SLC28A2: variants seen among roughly 807,000 people sequenced by gnomAD.
SLC28A2 encodes the protein solute carrier family 28 member 2.
In SLC28A2, 69 loss-of-function variants were observed where a neutral mutation model predicts 72.9. That is an observed-to-expected ratio of 0.95 (90% CI 0.78 to 1.16). SLC28A2 has a LOEUF of 1.16. SLC28A2 is among the 50% of genes most tolerant of loss of function. The probability of loss-of-function intolerance (pLI) is 0.00; values close to 1 mark genes in which losing one functional copy is unlikely to be tolerated. For missense variants in SLC28A2, 745 were observed against 791.1 expected (o/e 0.94, Z 0.70); for synonymous variants, 296 against 294.1 (o/e 1.01, Z -0.07).
At position 45,272,284 on chromosome 15, in the gene SLC28A2, A is replaced by G. The variant is rs1288722206; in HGVS notation, c.1649-11A>G. Reference sequence around the variant, plus strand: ...GGAAAAGCTGAAGTTATTTTATTTTATTGTCTGCAGCATCAATAGTACCTC... The same window carrying G: ...GGAAAAGCTGAAGTTATTTTATTTTGTTGTCTGCAGCATCAATAGTACCTC... On this transcript the variant is annotated splice_polypyrimidine_tract_variant and intron_variant, in intron 15 of 17. Transcript: ENST00000347644. The G allele has an allele frequency of 2.5e-6, 4 of 1,610,948 alleles. No homozygotes were observed. The African/African-American group carries it at 5.3e-5, about 22-fold the overall frequency.
chr15:45,263,315 T>G, intron 5 of SLC28A2, 71 bp downstream of exon 5: 1 of 1,481,204 alleles, frequency 6.8e-7, no homozygotes, highest in African/African-American at 1.4e-5. Flanking sequence ...CTTTTGATAG[T>G]TGCTGAGCAG....
chr15:45,268,815 C>T (rs375836327), intron 13 of SLC28A2, among the ~76,000 whole-genome samples: 3 of 152,166 alleles, frequency 2.0e-5, no homozygotes, highest in South Asian at 4.2e-4. Context: ...GGCATATATA[C>T]ACCATGGAAT....
At chr15:45,274,880 G>A (rs994779593) in intron 17 of SLC28A2, among the ~76,000 whole-genome samples, 2 of 151,916 alleles carry the variant, frequency 1.3e-5, no homozygotes, top group Non-Finnish European at 2.9e-5. Context: ...CCAGGCATGT[G>A]TCACCATGCC....
At chr15:45,272,269 A>G in intron 15 of SLC28A2, 26 bp from the exon 16 acceptor site, 2 of 1,599,392 alleles carry the variant, frequency 1.3e-6, no homozygotes, top group South Asian at 2.2e-5. Context: ...GGAAAAGCTG[A>G]AGTTATTTTA....
chr15:45,263,017 A>T, intron 4 of SLC28A2, 44 bp from the exon 5 acceptor site: 1 of 1,538,144 alleles, frequency 6.5e-7, no homozygotes, highest in South Asian at 1.2e-5. Context: ...TGCCCATTGG[A>T]AGCACTGCCT....
intron 3 of SLC28A2, among the ~76,000 whole-genome samples, chr15:45,261,290 G>T (rs1239020119): frequency 6.6e-6 from 1 of 152,150 alleles, no homozygotes; most frequent in African/African-American, 2.4e-5. Flanking sequence ...AAGCCAGAGT[G>T]TATATTCTGT....
At position 45,272,307 on chromosome 15, in the gene SLC28A2, C is replaced by T; in HGVS notation, c.1661C>T (p.Pro554Leu). Residue 554 changes from proline to leucine, a missense_variant, in exon 16 of 18, where the codon CCT (proline) becomes CTT (leucine). Coordinates refer to ENST00000347644, the MANE Select transcript of SLC28A2 (RefSeq NM_004212.4). ...TTATTGTCTGCAGCATCAATAGTAC[C>T]TCACCGGAAGAGTGACTTGTCCAAG... Reference protein sequence around the residue: ...ITLGGLTSIVPHRKSDLSKVV... With the variant: ...ITLGGLTSIVLHRKSDLSKVV... 1 of 1,613,646 alleles carries T rather than the reference C, an allele frequency of 6.2e-7. No individual in the cohort carries two copies. The highest frequency in any genetic ancestry group is 8.5e-7 in the Non-Finnish European group (1 of 1,179,942).
At chr15:45,262,733 AG>A (rs373841129) in intron 4 of SLC28A2, among the ~76,000 whole-genome samples, 2 of 152,184 alleles carry the variant, frequency 1.3e-5, no homozygotes, top group African/African-American at 4.8e-5. Context: ...ACTTTTGAAG[AG>A]TCTAATGGTG....
intron 4 of SLC28A2, among the ~76,000 whole-genome samples, chr15:45,262,355 A>G (rs555324277): frequency 6.6e-6 from 1 of 152,296 alleles, no homozygotes; most frequent in Non-Finnish European, 1.5e-5. Flanking sequence ...ATTTCAGAGA[A>G]TGGGGGCTTA....
chr15:45,267,598 G>T lies in SLC28A2; in HGVS notation c.1068+18G>T. The T allele has an allele frequency of 6.2e-7, 1 of 1,614,070 alleles. No homozygotes were observed. Among genetic ancestry groups the T allele is most frequent in the Non-Finnish European group, 8.5e-7 (1 of 1,179,994 alleles). ...CCTTTGGGGTAGGCATAGTCTGCTTGATCACTCCTGGGTGAACTCGAGTTG... is the reference window on the plus strand; with the variant it reads ...CCTTTGGGGTAGGCATAGTCTGCTTTATCACTCCTGGGTGAACTCGAGTTG... On this transcript the variant is annotated intron_variant, in intron 11 of 17. Transcript: ENST00000347644.
intron 3 of SLC28A2, chr15:45,254,051 T>G (rs1298159773): frequency 6.6e-6 from 1 of 152,396 alleles, no homozygotes; most frequent in Admixed American, 6.5e-5. Flanking sequence ...CAGTGCTATG[T>G]GAACAGGGGT....
At chr15:45,253,646 A>G (rs757878832) in intron 3 of SLC28A2, 126 bp downstream of exon 3, 4 of 581,766 alleles carry the variant, frequency 6.9e-6, no homozygotes, top group Non-Finnish European at 1.2e-5. Flanking sequence ...TGTATCTTAC[A>G]TAATTAATTA....
At chr15:45,271,265 A>G (rs904226241) in intron 15 of SLC28A2, among the ~76,000 whole-genome samples, 4 of 152,188 alleles carry the variant, frequency 2.6e-5, no homozygotes, top group Non-Finnish European at 4.4e-5. Context: ...TGGAAGATCC[A>G]AGTTAGAAAT....
intron 7 of SLC28A2, 116 bp downstream of exon 7, chr15:45,264,884 T>C: frequency 1.3e-6 from 1 of 766,520 alleles, no homozygotes; most frequent in East Asian, 2.5e-5. Flanking sequence ...GAAGATCTGG[T>C]TGGGAAAGGA....
intron 14 of SLC28A2, 113 bp downstream of exon 14, chr15:45,269,648 G>A: frequency 1.2e-6 from 1 of 855,434 alleles, no homozygotes; most frequent in Non-Finnish European, 1.9e-6. Flanking sequence ...CCTTTCTGGG[G>A]TCGCAGGCCT....
intron 3 of SLC28A2, among the ~76,000 whole-genome samples, chr15:45,258,293 G>T (rs1401523047): frequency 6.6e-6 from 1 of 151,116 alleles, no homozygotes; most frequent in Non-Finnish European, 1.5e-5. Flanking sequence ...TATGTTTTTG[G>T]GACTGCATGC....
intron 3 of SLC28A2, among the ~76,000 whole-genome samples, chr15:45,256,688 C>T (rs752553965): frequency 8.5e-5 from 13 of 152,082 alleles, no homozygotes; most frequent in Non-Finnish European, 1.5e-4. Context: ...GGATTATAGG[C>T]GTGAACCACT....
chr15:45,253,095 T>G (rs1002650694), intron 1 of SLC28A2, 105 bp from the exon 2 acceptor site: 2 of 643,090 alleles, frequency 3.1e-6, no homozygotes, highest in African/African-American at 2.0e-5. Flanking sequence ...CTTCAAAGAC[T>G]TTTAGTTTTG....
chr15:45,260,532 G>T (rs983823987), intron 3 of SLC28A2, among the ~76,000 whole-genome samples: 3 of 152,178 alleles, frequency 2.0e-5, no homozygotes, highest in Admixed American at 6.5e-5. Flanking sequence ...AAATGAGGAA[G>T]GATCACTTGA....
Sources: gnomAD v4.1 joint callset for allele counts (sites outside exome capture counted in the v4.1 genomes callset) on GRCh38, gnomAD v4.1.1 for gene constraint, MANE v1.5 for transcripts, NCBI Gene and HGNC (gene_info 2026-07-23, HGNC 2026-07-21) for gene names.